Variants in TMEM131 observed in about 807,000 individuals in gnomAD.
TMEM131 encodes 2610524E03Rik.
TMEM131 carries 66 observed loss-of-function variants against 211.6 expected under a neutral mutation model. The ratio of observed to expected loss-of-function variants is 0.31; its 90% CI spans 0.26 to 0.38. The LOEUF (loss-of-function observed/expected upper bound fraction) is 0.38. TMEM131 is among the 10% of genes least tolerant of loss of function. The probability of loss-of-function intolerance (pLI) is 1.00; values close to 1 mark genes in which losing one functional copy is unlikely to be tolerated. For missense variants in TMEM131, 2,036 were observed against 2,299.3 expected (o/e 0.89, Z 2.34); for synonymous variants, 844 against 841.3 (o/e 1.00, Z -0.06).
rs1445963901 is a variant in TMEM131 at position 97,943,027 on chromosome 2, AAAAGAAAAGAAAAGAAAGAAAGAAAG to A, written c.188-15566_188-15541del. On this transcript the variant is annotated intron_variant, in intron 1 of 40. Coordinates refer to ENST00000186436, the MANE Select transcript of TMEM131 (RefSeq NM_015348.2). ...GAAAAGAAAGAAAAGAAAAGAAAAG[AAAAGAAAAGAAAAGAAAGAAAGAAAG>A]AAAGAAAGAAAGAAAGAAAGAAAGA... is the stretch of plus-strand genomic sequence containing the variant. Among the ~76,000 whole-genome samples, 261 of 49,682 alleles carry A rather than the reference AAAAGAAAAGAAAAGAAAGAAAGAAAG, an allele frequency of 5.3e-3. 3 individuals are homozygous for A. Among genetic ancestry groups the A allele is most frequent in the African/African-American group, 0.019 (231 of 12,442 alleles). 32.6% of individuals were successfully genotyped at this position (49,682 alleles called of 152,430 possible).
At chr2:97,915,941 AT>A (rs1393116779) in intron 2 of TMEM131, among the ~76,000 whole-genome samples, 1 of 151,730 alleles carries the variant, frequency 6.6e-6, no homozygotes, top group Non-Finnish European at 1.5e-5. Flanking sequence ...ATAAAATAAA[AT>A]TTTGCCTGTT....
chr2:97,973,487 C>G (rs566261715), intron 1 of TMEM131, among the ~76,000 whole-genome samples: 2 of 152,084 alleles, frequency 1.3e-5, no homozygotes, highest in East Asian at 3.9e-4. Flanking sequence ...ATTGATGAGA[C>G]AAAGCTGAGA....
intron 1 of TMEM131, among the ~76,000 whole-genome samples, chr2:97,947,393 T>C (rs1436872560): frequency 6.6e-6 from 1 of 151,906 alleles, no homozygotes; most frequent in African/African-American, 2.4e-5. Context: ...TATAGGAAAG[T>C]AGTAAGATTA....
chr2:97,786,268 G>C (rs1052120818), intron 31 of TMEM131, among the ~76,000 whole-genome samples: 1 of 152,174 alleles, frequency 6.6e-6, no homozygotes, highest in African/African-American at 2.4e-5. Flanking sequence ...CAAGTGGCCA[G>C]ATACGATGTG....
rs1677043398 is a variant in TMEM131 at position 97,927,547 on chromosome 2, T to C, written c.188-60A>G. Reference sequence around the variant, plus strand: ...GAACATAAATTTGATTTTCATAACATCTTTGACTTTAAAGTTAATTAATAT... The same window carrying C: ...GAACATAAATTTGATTTTCATAACACCTTTGACTTTAAAGTTAATTAATAT... On this transcript the variant is annotated intron_variant, in intron 1 of 40. Coordinates refer to ENST00000186436, the MANE Select transcript of TMEM131 (RefSeq NM_015348.2). The C allele has an allele frequency of 5.2e-6, 7 of 1,345,470 alleles. No individual in the cohort carries two copies. In the South Asian group the frequency reaches 8.8e-5, roughly 17 times the overall value. 83.3% of individuals were successfully genotyped at this position (1,345,470 alleles called of 1,614,324 possible). A position where few individuals can be genotyped will look rare whatever the true frequency, so the allele number is the denominator to read the frequency against.
chr2:97,796,505 T>A, intron 27 of TMEM131, 101 bp from the exon 28 acceptor site: 1 of 767,650 alleles, frequency 1.3e-6, no homozygotes, highest in Non-Finnish European at 2.0e-6. Context: ...TGTCACAGGT[T>A]ATAAACCATC....
At chr2:97,800,994 T>C (rs1681010349) in intron 25 of TMEM131, among the ~76,000 whole-genome samples, 1 of 152,244 alleles carries the variant, frequency 6.6e-6, no homozygotes, top group Non-Finnish European at 1.5e-5. Flanking sequence ...CTTTCTTATG[T>C]AAGCTCGCCT....
At chr2:97,806,775 C>A (rs1170791159) in intron 19 of TMEM131, among the ~76,000 whole-genome samples, 1 of 152,032 alleles carries the variant, frequency 6.6e-6, no homozygotes, top group Non-Finnish European at 1.5e-5. Context: ...ATGATTAAAC[C>A]CACTTTTTAA....
At chr2:97,821,792 G>C (rs539076393) in intron 11 of TMEM131, among the ~76,000 whole-genome samples, 2 of 152,238 alleles carry the variant, frequency 1.3e-5, no homozygotes, top group African/African-American at 4.8e-5. Flanking sequence ...CACAGCCACC[G>C]GACTAAAGAC....
At chr2:97,986,245 A>C (rs1422258129) in intron 1 of TMEM131, among the ~76,000 whole-genome samples, 2 of 152,204 alleles carry the variant, frequency 1.3e-5, no homozygotes, top group African/African-American at 4.8e-5. Context: ...TGGGGAAGTA[A>C]GCACATGCAT....
intron 25 of TMEM131, among the ~76,000 whole-genome samples, chr2:97,799,870 AAG>A (rs1488405680): frequency 1.3e-5 from 2 of 152,178 alleles, no homozygotes; most frequent in African/African-American, 4.8e-5. Flanking sequence ...ACAATATATC[AAG>A]AGAGACTGAA....
chr2:97,925,892 T>C (rs967191679), intron 2 of TMEM131, among the ~76,000 whole-genome samples: 1 of 151,876 alleles, frequency 6.6e-6, no homozygotes, highest in African/African-American at 2.4e-5. Context: ...GGGCGGATCA[T>C]GAGGTCAGGA....
intron 2 of TMEM131, among the ~76,000 whole-genome samples, chr2:97,917,153 T>C (rs558598151): frequency 1.5e-4 from 23 of 152,200 alleles, no homozygotes; most frequent in Non-Finnish European, 2.9e-4. Flanking sequence ...TCCAGTCTTC[T>C]GCCAGCTTTT....
intron 17 of TMEM131, among the ~76,000 whole-genome samples, chr2:97,812,139 C>A (rs1681577183): frequency 6.6e-6 from 1 of 152,210 alleles, no homozygotes; most frequent in Admixed American, 6.5e-5. Context: ...CCATGGGAAT[C>A]TCTCCTGTAA....
intron 11 of TMEM131, among the ~76,000 whole-genome samples, chr2:97,831,042 A>G (rs1285190336): frequency 1.3e-5 from 2 of 152,246 alleles, no homozygotes; most frequent in Non-Finnish European, 2.9e-5. Flanking sequence ...AAGAGCTCTG[A>G]AAACTCAGTT....
chr2:97,916,960 A>G (rs1676533439), intron 2 of TMEM131, among the ~76,000 whole-genome samples: 1 of 152,174 alleles, frequency 6.6e-6, no homozygotes, highest in South Asian at 2.1e-4. Context: ...ATTTTCTACA[A>G]GCTTATATTT....
intron 1 of TMEM131, among the ~76,000 whole-genome samples, chr2:97,989,900 C>T (rs1680186429): frequency 6.6e-6 from 1 of 152,162 alleles, no homozygotes; most frequent in Non-Finnish European, 1.5e-5. Flanking sequence ...CCAAAATGCC[C>T]TAATAAGAAC....
At chr2:97,852,617 A>G (rs528447938) in intron 5 of TMEM131, among the ~76,000 whole-genome samples, 1 of 152,380 alleles carries the variant, frequency 6.6e-6, no homozygotes, top group East Asian at 1.9e-4. Context: ...TCCATCACAT[A>G]AAAGTGCAAG....
chr2:97,971,847 G>A (rs1195393973), intron 1 of TMEM131, among the ~76,000 whole-genome samples: 1 of 152,032 alleles, frequency 6.6e-6, no homozygotes, highest in Non-Finnish European at 1.5e-5. Flanking sequence ...GGGTGACAGA[G>A]CAAGACCCTG....
Sources: gnomAD v4.1 joint callset for allele counts (sites outside exome capture counted in the v4.1 genomes callset) on GRCh38, gnomAD v4.1.1 for gene constraint, MANE v1.5 for transcripts, NCBI Gene and HGNC (gene_info 2026-07-23, HGNC 2026-07-21) for gene names.